Variants in PDE1C observed in about 807,000 individuals in gnomAD.
The protein encoded by PDE1C is phosphodiesterase 1C, also known as dual specificity calcium/calmodulin-dependent 3',5'-cyclic nucleotide phosphodiesterase 1C.
A neutral mutation model predicts 93.1 loss-of-function variants in PDE1C; 62 were observed. The observed-to-expected ratio is 0.67, with a 90% CI of 0.54 to 0.82. PDE1C has a LOEUF of 0.82. Ranked by LOEUF, PDE1C falls within the 40% of genes least tolerant of loss-of-function variation. The pLI, the probability that PDE1C is intolerant of heterozygous loss-of-function variation, is 0.00. For missense variants in PDE1C, 742 were observed against 884.6 expected (o/e 0.84, Z 2.04); for synonymous variants, 325 against 310.1 (o/e 1.05, Z -0.50).
chr7:31,698,381 T>C, the PDE1C span, among the ~76,000 whole-genome samples: 1 of 152,170 alleles, frequency 6.6e-6, no homozygotes, highest in Non-Finnish European at 1.5e-5. Context: ...ATTACCTCTA[T>C]CTATCCCTTC....
intron 1 of PDE1C, among the ~76,000 whole-genome samples, chr7:32,314,426 T>G (rs73314429): frequency 0.014 from 2,060 of 152,242 alleles, 49 homozygotes; most frequent in African/African-American, 0.046. Context: ...TTGGGGAACA[T>G]GCAATTAAAA....
chr7:32,309,202 A>C (rs1191206530), intron 1 of PDE1C, among the ~76,000 whole-genome samples: 1 of 152,210 alleles, frequency 6.6e-6, no homozygotes, highest in Non-Finnish European at 1.5e-5. Context: ...TTAGAGAAAA[A>C]AGAATAAAAA....
At chr7:31,808,801 G>C (rs914449882) in intron 16 of PDE1C, among the ~76,000 whole-genome samples, 4 of 151,674 alleles carry the variant, frequency 2.6e-5, no homozygotes, top group African/African-American at 4.8e-5. Context: ...GAAAAGAAAG[G>C]GTATAGAAAA....
the PDE1C span, among the ~76,000 whole-genome samples, chr7:31,646,247 G>T: frequency 6.6e-6 from 1 of 152,206 alleles, no homozygotes. Context: ...AGCACCCAGA[G>T]AGCATGACTG....
At chr7:32,309,418 A>C (rs368581702) in intron 1 of PDE1C, among the ~76,000 whole-genome samples, 18 of 152,282 alleles carry the variant, frequency 1.2e-4, no homozygotes, top group East Asian at 1.2e-3. Flanking sequence ...GATACTCCTC[A>C]AGAAGAGCAA....
At chr7:32,266,919 G>T (rs995267840) in intron 1 of PDE1C, among the ~76,000 whole-genome samples, 1 of 140,238 alleles carries the variant, frequency 7.1e-6, no homozygotes, top group Non-Finnish European at 1.6e-5. Context: ...GGGTGGGGGG[G>T]TGCGCTGGAG....
chr7:32,195,639 C>T lies in PDE1C; in HGVS notation c.136+13850G>A, dbSNP rs189488010. ...GGTCAAGGCAGGAGGATTGCTCGAG[C>T]GCAGGAGTTCAAAACCAGCCTGGGC... On this transcript the variant is annotated intron_variant, in intron 2 of 18. Coordinates refer to the PDE1C transcript ENST00000396193. Among the ~76,000 whole-genome samples the T allele has an allele frequency of 6.0e-3, 911 of 152,134 alleles. 5 individuals carry two copies. The highest frequency in any genetic ancestry group is 8.6e-3 in the Non-Finnish European group (587 of 68,010).
intron 1 of PDE1C, among the ~76,000 whole-genome samples, chr7:32,362,303 C>A (rs1028792524): frequency 6.6e-6 from 1 of 151,984 alleles, no homozygotes; most frequent in Non-Finnish European, 1.5e-5. Flanking sequence ...ATCTGGCTAT[C>A]TTTCTTCAGG....
the PDE1C span, among the ~76,000 whole-genome samples, chr7:31,728,427 C>G: frequency 4.3e-4 from 66 of 152,282 alleles, no homozygotes; most frequent in African/African-American, 1.5e-3. Context: ...TCATTCCCGG[C>G]CAACCAAATA....
At chr7:31,663,679 T>C in the PDE1C span, among the ~76,000 whole-genome samples, 1 of 152,220 alleles carries the variant, frequency 6.6e-6, no homozygotes, top group Non-Finnish European at 1.5e-5. Context: ...AAACATAGCA[T>C]GTATTTATGC....
chr7:32,156,498 T>G (rs576255797), intron 3 of PDE1C, among the ~76,000 whole-genome samples: 1 of 152,312 alleles, frequency 6.6e-6, no homozygotes, highest in South Asian at 2.1e-4. Context: ...ATTTCTACCC[T>G]TTAGGGTTGA....
intron 2 of PDE1C, among the ~76,000 whole-genome samples, chr7:31,927,844 A>C (rs1397223348): frequency 6.6e-6 from 1 of 152,106 alleles, no homozygotes; most frequent in African/African-American, 2.4e-5. Flanking sequence ...AACCAGTGCA[A>C]AAATGCTGAA....
chr7:32,362,585 C>T (rs962235825), intron 1 of PDE1C, among the ~76,000 whole-genome samples: 1 of 152,138 alleles, frequency 6.6e-6, no homozygotes, highest in African/African-American at 2.4e-5. Context: ...AACACACAGC[C>T]ACACAGATGT....
At chr7:32,107,167 AC>A (rs1798365392) in intron 3 of PDE1C, among the ~76,000 whole-genome samples, 2 of 151,754 alleles carry the variant, frequency 1.3e-5, no homozygotes, top group South Asian at 4.2e-4. Context: ...AAAAGATAGA[AC>A]AGAATATACA....
chr7:32,421,559 CTA>C (rs1405210915), intron 1 of PDE1C, among the ~76,000 whole-genome samples: 1 of 152,202 alleles, frequency 6.6e-6, no homozygotes, highest in Non-Finnish European at 1.5e-5. Flanking sequence ...AAATTAGTGC[CTA>C]TAGCCAGGAA....
At chr7:31,652,288 T>C in the PDE1C span, among the ~76,000 whole-genome samples, 268 of 152,280 alleles carry the variant, frequency 1.8e-3, 1 homozygote, top group African/African-American at 6.1e-3. Flanking sequence ...CTGTACATCA[T>C]AGAGAAGTCC....
At chr7:31,678,966 C>T in the PDE1C span, among the ~76,000 whole-genome samples, 16 of 152,134 alleles carry the variant, frequency 1.1e-4, no homozygotes, top group African/African-American at 3.4e-4. Flanking sequence ...GATTGTGATG[C>T]GAATGTAAGA....
chr7:32,402,758 T>C (rs1784974774), intron 1 of PDE1C, among the ~76,000 whole-genome samples: 1 of 152,200 alleles, frequency 6.6e-6, no homozygotes, highest in Non-Finnish European at 1.5e-5. Flanking sequence ...AGTATTTATA[T>C]AATGTTAGCA....
chr7:31,897,310 C>T (rs757170993), intron 2 of PDE1C, among the ~76,000 whole-genome samples: 3 of 152,104 alleles, frequency 2.0e-5, no homozygotes, highest in Non-Finnish European at 2.9e-5. Context: ...TTTTTTGTCA[C>T]GCAAGGAAAG....
Sources: allele counts gnomAD v4.1 joint callset (sites outside exome capture counted in the v4.1 genomes callset), GRCh38; gene constraint gnomAD v4.1.1; transcripts MANE v1.5; gene names NCBI Gene and HGNC (gene_info 2026-07-23, HGNC 2026-07-21).